KAZN: variants seen among roughly 807,000 people sequenced by gnomAD.
KAZN encodes kazrin, periplakin interacting protein, also known as kazrin.
Under a neutral mutation model 87.4 loss-of-function variants are expected in KAZN, and 40 were observed. The observed-to-expected ratio is 0.46, with a 90% confidence interval of 0.36 to 0.60. The LOEUF is 0.60. Among genes scored for constraint, KAZN ranks in the 20% least tolerant of loss-of-function variants. The probability of loss-of-function intolerance (pLI) is 0.00; values close to 1 mark genes in which losing one functional copy is unlikely to be tolerated. For missense variants in KAZN, 898 were observed against 1,073.9 expected (o/e 0.84, Z 2.29); for synonymous variants, 466 against 458.3 (o/e 1.02, Z -0.22).
intron 1 of KAZN, among the ~76,000 whole-genome samples, chr1:14,763,650 G>A (rs181262602): frequency 1.5e-3 from 231 of 152,308 alleles, no homozygotes; most frequent in Middle Eastern, 3.4e-3. Context: ...AATATAAATG[G>A]ACAACTGGCC....
chr1:14,420,478 C>G (rs1297219850), intron 2 of KAZN, among the ~76,000 whole-genome samples: 1 of 152,230 alleles, frequency 6.6e-6, no homozygotes, highest in Admixed American at 6.5e-5. Context: ...AAGTCCCGCA[C>G]CATGCACCCA....
intron 1 of KAZN, among the ~76,000 whole-genome samples, chr1:14,004,765 C>G (rs61535595): frequency 0.95 from 144,176 of 152,098 alleles, 68,594 homozygotes; most frequent in African/African-American, 0.97. Context: ...CTTAATCTCC[C>G]TGGCAGTATT....
chr1:14,768,631 A>G (rs1332358619), intron 1 of KAZN, among the ~76,000 whole-genome samples: 2 of 152,194 alleles, frequency 1.3e-5, no homozygotes, highest in Non-Finnish European at 2.9e-5. Flanking sequence ...CAGTTTGAGC[A>G]TTTGCTATTA....
intron 1 of KAZN, among the ~76,000 whole-genome samples, chr1:14,163,384 TG>T: frequency 6.6e-6 from 1 of 152,286 alleles, no homozygotes. Flanking sequence ...ATTTTTTTCC[TG>T]GGGTGAGCTG....
At chr1:13,979,996 A>G (rs1336937603) in intron 1 of KAZN, among the ~76,000 whole-genome samples, 1 of 152,046 alleles carries the variant, frequency 6.6e-6, no homozygotes, top group East Asian at 1.9e-4. Flanking sequence ...AAAAATAGCC[A>G]CACAAGGCAG....
chr1:14,557,629 G>GT lies in KAZN; in HGVS notation c.250-41354_250-41353insT, dbSNP rs1673971745. ...AAACAAAACCAATAGGGTGTGTGTG[G>GT]GTGTGTGTGTGTGTGTGTGTGTGTG... is the stretch of plus-strand genomic sequence containing the variant. On this transcript the variant is annotated intron_variant, in intron 2 of 16. Transcript: ENST00000636203. 5.4e-4 allele frequency among the ~76,000 whole-genome samples: 75 copies of GT among 137,940 alleles called. 1 individual carries two copies. Among genetic ancestry groups the GT allele is most frequent in the Admixed American group, 1.0e-3 (14 of 13,470 alleles). The allele number at this position is 137,940 out of a possible 152,430, so 90.5% of individuals were successfully genotyped here. A position where few individuals can be genotyped will look rare whatever the true frequency, so the allele number is the denominator to read the frequency against.
chr1:14,060,419 G>A (rs1002300201), intron 1 of KAZN, among the ~76,000 whole-genome samples: 1 of 151,146 alleles, frequency 6.6e-6, no homozygotes, highest in Non-Finnish European at 1.5e-5. Flanking sequence ...TGCAATAAGA[G>A]CTGTGAGGCC....
chr1:14,948,374 C>T (rs1015975221), intron 1 of KAZN, among the ~76,000 whole-genome samples: 4 of 152,196 alleles, frequency 2.6e-5, no homozygotes, highest in Non-Finnish European at 5.9e-5. Flanking sequence ...GCCAGCAACT[C>T]CAGGCTCCAT....
In KAZN at chr1:15,006,984, G is replaced by A. The variant is rs893734930; in HGVS notation, c.419-27765G>A. 2.0e-5 allele frequency among the ~76,000 whole-genome samples: 3 copies of A among 148,540 alleles called. No individual in the cohort carries two copies. The Admixed American group carries it at 2.0e-4, about 10-fold the overall frequency. Reference sequence around the variant, plus strand: ...AGGCAGGAGAATAGTGTGAACCTGGGAGGCGGAGCTTGCAGTGAGCTGAGA... The same window carrying A: ...AGGCAGGAGAATAGTGTGAACCTGGAAGGCGGAGCTTGCAGTGAGCTGAGA... On this transcript the variant is annotated intron_variant, in intron 2 of 14. Coordinates refer to ENST00000376030, the MANE Select transcript of KAZN (RefSeq NM_201628.3).
rs538868342 is a variant in KAZN, at chr1:13,901,791, G to A, written c.91+8035G>A. Among the ~76,000 whole-genome samples the A allele has an allele frequency of 2.1e-4, 32 of 152,360 alleles. No individual in the cohort carries two copies. In the South Asian group the frequency reaches 5.8e-3, roughly 28 times the overall value. On this transcript the variant is annotated intron_variant, in intron 1 of 16. Transcript: ENST00000636203. ...TTGACAGGCATCTGAGTTCTGCCAC[G>A]TGTGAACACATGTGTCTCTCCAGCT...
In KAZN at chr1:14,066,068, GA is replaced by G. The variant is rs57003266; in HGVS notation, c.92-114365del. On this transcript the variant is annotated intron_variant, in intron 1 of 16. Coordinates refer to the KAZN transcript ENST00000636203. ...CAGCTTAGGTCCTACTTATAAGTGAGAATATACAGTATTTGGTTTTCCATTC... is the reference window on the plus strand; with the variant it reads ...CAGCTTAGGTCCTACTTATAAGTGAGATATACAGTATTTGGTTTTCCATTC... Among the ~76,000 whole-genome samples the G allele has an allele frequency of 4.9e-3, 744 of 152,194 alleles. 3 individuals are homozygous for G. Among genetic ancestry groups the G allele is most frequent in the African/African-American group, 0.017 (710 of 41,508 alleles).
chr1:14,671,137 AG>A (rs1014052933), intron 1 of KAZN, among the ~76,000 whole-genome samples: 11 of 152,150 alleles, frequency 7.2e-5, no homozygotes, highest in Admixed American at 3.3e-4. Flanking sequence ...TTCCTGGAGG[AG>A]GGGGTACTTA....
At chr1:14,679,112 G>T (rs1206953062) in intron 1 of KAZN, among the ~76,000 whole-genome samples, 2 of 152,162 alleles carry the variant, frequency 1.3e-5, no homozygotes, top group African/African-American at 4.8e-5. Context: ...ATTCGGGTAT[G>T]GTGAAGTCCA....
chr1:15,099,092 C>T lies in KAZN; in HGVS notation c.1548-2451C>T, dbSNP rs1640929812. Among the ~76,000 whole-genome samples the T allele has an allele frequency of 6.6e-6, 1 of 152,086 alleles. No individual in the cohort carries two copies. Among genetic ancestry groups the T allele is most frequent in the Non-Finnish European group, 1.5e-5 (1 of 68,028 alleles). ...GGAGACCAGACGTCTCTGCAGAGTC[C>T]ATAGGAGTTCACTGGGGGAAGAGGG... On this transcript the variant is annotated intron_variant, in intron 10 of 14. Coordinates refer to ENST00000376030, the MANE Select transcript of KAZN (RefSeq NM_201628.3). This position sits in a 1 kb window ranked among gnomAD's most constrained non-coding sequence, Gnocchi z 5.4.
chr1:14,584,503 A>G (rs1460815608), intron 2 of KAZN, among the ~76,000 whole-genome samples: 2 of 152,332 alleles, frequency 1.3e-5, no homozygotes, highest in Non-Finnish European at 2.9e-5. Context: ...TGTGAGAGCC[A>G]TAAATTCCCC....
intron 1 of KAZN, among the ~76,000 whole-genome samples, chr1:14,712,525 G>A (rs1458827834): frequency 6.6e-6 from 1 of 152,170 alleles, no homozygotes; most frequent in Non-Finnish European, 1.5e-5. Flanking sequence ...TGACTAGAGA[G>A]AAAACCAGGC....
At chr1:15,090,978 G>A (rs1404842738) in intron 8 of KAZN, among the ~76,000 whole-genome samples, 2 of 152,138 alleles carry the variant, frequency 1.3e-5, no homozygotes, top group East Asian at 3.9e-4. Context: ...ATGGAGAGAG[G>A]GAAGGCCTTG....
chr1:14,871,427 G>A (rs756917472), intron 1 of KAZN, among the ~76,000 whole-genome samples: 11 of 152,010 alleles, frequency 7.2e-5, no homozygotes, highest in South Asian at 6.2e-4. Context: ...CTTCCTCTTC[G>A]AATAGGAATG....
At chr1:15,059,323 G>A (rs1638577867) in intron 5 of KAZN, among the ~76,000 whole-genome samples, 4 of 152,196 alleles carry the variant, frequency 2.6e-5, no homozygotes, top group Admixed American at 2.0e-4. Context: ...GCTGAGACCT[G>A]GAGGATGACA....
Sources: allele counts gnomAD v4.1 joint callset (sites outside exome capture counted in the v4.1 genomes callset), GRCh38; gene constraint gnomAD v4.1.1; non-coding constraint Gnocchi (gnomAD v3.1); transcripts MANE v1.5; gene names NCBI Gene and HGNC (gene_info 2026-07-23, HGNC 2026-07-21).